Variants in DIO1 observed in about 807,000 individuals in gnomAD.
DIO1 encodes iodothyronine deiodinase 1.
A neutral mutation model predicts 25.9 loss-of-function variants in DIO1; 17 were observed. That is an observed-to-expected ratio of 0.66 (90% CI 0.45 to 0.98). The LOEUF (loss-of-function observed/expected upper bound fraction) is 0.98, where lower values mean the gene tolerates loss of function less well. Ranked by LOEUF, DIO1 falls within the 50% of genes least tolerant of loss-of-function variation. DIO1 has a pLI of 0.00. For missense variants in DIO1, 270 were observed against 310.4 expected (o/e 0.87, Z 0.98); for synonymous variants, 115 against 114.0 (o/e 1.01, Z -0.05).
chr1:53,901,016 G>A (rs1651332918), intron 1 of DIO1, among the ~76,000 whole-genome samples: 1 of 103,186 alleles, frequency 9.7e-6, no homozygotes, highest in South Asian at 3.5e-4. Context: ...TTTTTTCAGA[G>A]ATAAGGTCTC....
chr1:53,904,022 T>C (rs1651515144), intron 1 of DIO1, among the ~76,000 whole-genome samples: 1 of 152,142 alleles, frequency 6.6e-6, no homozygotes, highest in African/African-American at 2.4e-5. Flanking sequence ...ACTTCATAGC[T>C]CAGGGAGGAG....
At chr1:53,903,221 G>C (rs556818399) in intron 1 of DIO1, 1 of 152,032 alleles carries the variant, frequency 6.6e-6, no homozygotes, top group Non-Finnish European at 1.5e-5. Flanking sequence ...TTCGCCAAGT[G>C]ACTGAGGGTG....
chr1:53,906,332 G>A, intron 3 of DIO1, 38 bp downstream of exon 3: 1 of 1,569,210 alleles, frequency 6.4e-7, no homozygotes, highest in Admixed American at 1.8e-5. Context: ...GGAGGGCAAA[G>A]GGGCCCAGGG....
intron 3 of DIO1, among the ~76,000 whole-genome samples, chr1:53,908,401 C>T (rs1268876905): frequency 6.6e-6 from 1 of 152,130 alleles, no homozygotes; most frequent in Non-Finnish European, 1.5e-5. Context: ...CAACTTTGTG[C>T]CAAGTAATCC....
intron 3 of DIO1, among the ~76,000 whole-genome samples, chr1:53,906,738 C>T (rs1193989360): frequency 6.6e-6 from 1 of 151,850 alleles, no homozygotes; most frequent in African/African-American, 2.4e-5. Flanking sequence ...CTCACTGCAA[C>T]CTCCACCTCC....
At chr1:53,907,224 C>G (rs1651699900) in intron 3 of DIO1, among the ~76,000 whole-genome samples, 1 of 152,186 alleles carries the variant, frequency 6.6e-6, no homozygotes, top group Non-Finnish European at 1.5e-5. Context: ...TGATTGCTTC[C>G]TCTCAAAAGT....
In DIO1 at chr1:53,910,985, G is replaced by C. The variant is rs1163222337; in HGVS notation, c.*986G>C. On this transcript the variant is annotated 3_prime_UTR_variant, in exon 4 of 4. Transcript: ENST00000361921. Reference sequence around the variant, plus strand: ...TCTGTGTCTTTACATATTTGTTTATGATGGCCACAGCCTAAAGTACACACG... The same window carrying C: ...TCTGTGTCTTTACATATTTGTTTATCATGGCCACAGCCTAAAGTACACACG... 8.5e-5 allele frequency: 13 copies of C among 152,628 alleles called. No individual in the cohort carries two copies. The highest frequency in any genetic ancestry group is 7.2e-4 in the Admixed American group (11 of 15,276). 9.5% of individuals were successfully genotyped at this position (152,628 alleles called of 1,614,324 possible).
Position 53,910,198 on chromosome 1 carries a change from G to T in DIO1, c.*199G>T. The T allele has an allele frequency of 1.7e-6, 1 of 584,394 alleles. No individual in the cohort carries two copies. Among genetic ancestry groups the T allele is most frequent in the Non-Finnish European group, 3.1e-6 (1 of 326,834 alleles). 36.2% of individuals were successfully genotyped at this position (584,394 alleles called of 1,614,324 possible). A position where few individuals can be genotyped will look rare whatever the true frequency, so the allele number is the denominator to read the frequency against. On this transcript the variant is annotated 3_prime_UTR_variant, in exon 4 of 4. Transcript: ENST00000361921. ...CAATCAAGACAAATTGTTATTATCA[G>T]AAAATGAAGCAACACTTGAGCTGTT...
At chr1:53,900,032 C>G (rs1392292595) in intron 1 of DIO1, among the ~76,000 whole-genome samples, 1 of 152,214 alleles carries the variant, frequency 6.6e-6, no homozygotes, top group Non-Finnish European at 1.5e-5. Context: ...TGCAGTCAAC[C>G]AGCAGAGACT....
rs528520608 is a variant in DIO1, at chr1:53,899,579, G to A, written c.337+5032G>A. On this transcript the variant is annotated intron_variant, in intron 1 of 3. Coordinates refer to ENST00000361921, the MANE Select transcript of DIO1 (RefSeq NM_000792.7). ...AACAAATGGCTCTGTCTCTTCCAGGGTCTGAATCAGTGGATGTTGAGTTTT... is the reference window on the plus strand; with the variant it reads ...AACAAATGGCTCTGTCTCTTCCAGGATCTGAATCAGTGGATGTTGAGTTTT... Among the ~76,000 whole-genome samples, 3 of 152,334 alleles carry A rather than the reference G, an allele frequency of 2.0e-5. No homozygotes were observed. The East Asian group carries it at 5.8e-4, about 29-fold the overall frequency.
chr1:53,909,757 T>C (rs1424573114), intron 3 of DIO1, among the ~76,000 whole-genome samples, 174 bp from the exon 4 acceptor site: 2 of 152,234 alleles, frequency 1.3e-5, no homozygotes, highest in African/African-American at 2.4e-5. Flanking sequence ...CTGATGCCAC[T>C]GTACACACTT....
Position 53,906,199 on chromosome 1 carries a change from G to T in DIO1, c.586G>T (p.Val196Leu), listed in dbSNP as rs369861938. 5 of 1,614,096 alleles carry T rather than the reference G, an allele frequency of 3.1e-6. No individual in the cohort carries two copies. In the African/African-American group the frequency reaches 6.7e-5, roughly 22 times the overall value. ...GCTGGCCAGGAGCCCCCAGTGCCCT[G>T]TGGTGGTGGACACCATGCAGAACCA... ...LLLARSPQCP[V>L]VVDTMQNQSS... Residue 196 changes from valine to leucine, a missense_variant, in exon 3 of 4, where the codon GTG (valine) becomes TTG (leucine). Coordinates refer to ENST00000361921, the MANE Select transcript of DIO1 (RefSeq NM_000792.7).
intron 3 of DIO1, among the ~76,000 whole-genome samples, chr1:53,908,355 C>T (rs1200452489): frequency 3.3e-5 from 5 of 152,190 alleles, no homozygotes; most frequent in Admixed American, 6.5e-5. Context: ...GGGGTCAGCA[C>T]GCCTTTTCTG....
At position 53,900,645 on chromosome 1, in the gene DIO1, A is replaced by G. The variant is rs936677608; in HGVS notation, c.338-4021A>G. On this transcript the variant is annotated intron_variant, in intron 1 of 3. Transcript: ENST00000361921. ...AAAATTCCATTTAATGTGTTAGTAT[A>G]GGTGTAAGGAGCTTTAAATTCTTTG... 2.0e-5 allele frequency among the ~76,000 whole-genome samples: 3 copies of G among 152,120 alleles called. No homozygotes were observed. In the East Asian group the frequency reaches 5.8e-4, roughly 29 times the overall value.
chr1:53,900,359 TTTG>T (rs1262351769), intron 1 of DIO1, among the ~76,000 whole-genome samples: 1 of 152,146 alleles, frequency 6.6e-6, no homozygotes, highest in Non-Finnish European at 1.5e-5. Context: ...ATCCCAGCAC[TTTG>T]GGAGGCCAAG....
intron 1 of DIO1, among the ~76,000 whole-genome samples, chr1:53,897,702 A>C (rs1651151213): frequency 6.6e-6 from 1 of 151,916 alleles, no homozygotes; most frequent in Non-Finnish European, 1.5e-5. Context: ...ATATTTAAAA[A>C]TTAGTGGGAT....
chr1:53,894,514 G>A lies in DIO1; in HGVS notation c.304G>A (p.Gly102Arg), dbSNP rs370335725. The change falls in exon 1 of 4, where the codon GGA (glycine) becomes AGA (arginine). Residue 102 changes from glycine (G) to arginine (R), a missense_variant. By Grantham distance (125) the Gly-to-Arg change is moderately radical (BLOSUM62 -2). Transcript: ENST00000361921. The surrounding 1 kb of genome is among the most constrained non-coding windows in gnomAD (Gnocchi z 4.9). ...AAACTGCCCGGTGGTCCGCCTCTCA[G>A]GACAGAGGTGCAACATTTGGGAGTT... Reference protein sequence around the residue: ...APNCPVVRLSGQRCNIWEFMQ... With the variant: ...APNCPVVRLSRQRCNIWEFMQ... 6.2e-7 allele frequency: 1 copy of A among 1,613,894 alleles called. No homozygotes were observed. The highest frequency in any genetic ancestry group is 8.5e-7 in the Non-Finnish European group (1 of 1,180,006).
intron 1 of DIO1, among the ~76,000 whole-genome samples, chr1:53,900,727 T>C (rs1250046112): frequency 2.6e-5 from 4 of 152,176 alleles, no homozygotes; most frequent in African/African-American, 9.7e-5. Flanking sequence ...TAAGATGCCC[T>C]CTACTCCCCA....
intron 1 of DIO1, among the ~76,000 whole-genome samples, chr1:53,899,491 G>A (rs2100764331): frequency 6.6e-6 from 1 of 152,292 alleles, no homozygotes. Flanking sequence ...GGAAAGCAGA[G>A]AGCTTAGTTT....
Sources: allele counts gnomAD v4.1 joint callset (sites outside exome capture counted in the v4.1 genomes callset), GRCh38; gene constraint gnomAD v4.1.1; non-coding constraint Gnocchi (gnomAD v3.1); transcripts MANE v1.5; gene names NCBI Gene and HGNC (gene_info 2026-07-23, HGNC 2026-07-21).